ZCCHC17: variants seen among roughly 807,000 people sequenced by gnomAD.
The protein encoded by ZCCHC17 is zinc finger CCHC domain-containing protein 17.
Under a neutral mutation model 30.6 loss-of-function variants are expected in ZCCHC17, and 18 were observed. That is an observed-to-expected ratio of 0.59 (90% confidence interval 0.41 to 0.87). The LOEUF is 0.87. Among genes scored for constraint, ZCCHC17 ranks in the 40% least tolerant of loss-of-function variants. The probability of loss-of-function intolerance (pLI) is 0.00; values close to 1 mark genes in which losing one functional copy is unlikely to be tolerated. For missense variants in ZCCHC17, 263 were observed against 284.2 expected (o/e 0.93, Z 0.54); for synonymous variants, 88 against 92.4 (o/e 0.95, Z 0.27).
chr1:31,333,120 T>C (rs902372037), intron 3 of ZCCHC17: 2 of 152,210 alleles, frequency 1.3e-5, no homozygotes, highest in African/African-American at 4.8e-5. Context: ...TCATTTTAAG[T>C]TGTTTCCAGT....
intron 1 of ZCCHC17, among the ~76,000 whole-genome samples, chr1:31,306,124 T>C (rs913490517): frequency 4.6e-5 from 7 of 152,238 alleles, no homozygotes; most frequent in Admixed American, 3.9e-4. Flanking sequence ...GAATGTTTTT[T>C]TCTTCCTCAC....
At chr1:31,338,664 T>C (rs1396258286) in intron 4 of ZCCHC17, among the ~76,000 whole-genome samples, 1 of 152,246 alleles carries the variant, frequency 6.6e-6, no homozygotes, top group African/African-American at 2.4e-5. Flanking sequence ...TGAACTTACC[T>C]GGAAGAAAAA....
chr1:31,338,245 C>G (rs1051413409), intron 4 of ZCCHC17, among the ~76,000 whole-genome samples: 1 of 151,602 alleles, frequency 6.6e-6, no homozygotes, highest in African/African-American at 2.4e-5. Context: ...TTTGCCTCCC[C>G]AAGTGCTGGA....
At chr1:31,345,187 C>G (rs77459420) in intron 5 of ZCCHC17, among the ~76,000 whole-genome samples, 8,743 of 150,170 alleles carry the variant, frequency 0.058, 492 homozygotes, top group South Asian at 0.21. Context: ...GACAGAGTCT[C>G]GCTCTGTCGC....
At chr1:31,319,190 C>G (rs1569798340) in intron 3 of ZCCHC17, 24 bp downstream of exon 3, 1 of 1,594,882 alleles carries the variant, frequency 6.3e-7, no homozygotes, top group East Asian at 2.2e-5. Flanking sequence ...ACTTGAAATT[C>G]AGCCCTCTGA....
intron 1 of ZCCHC17, among the ~76,000 whole-genome samples, chr1:31,298,273 C>T (rs894993047): frequency 2.0e-5 from 3 of 152,044 alleles, no homozygotes; most frequent in African/African-American, 7.3e-5. Flanking sequence ...AAGGTAACTC[C>T]TAGGTTTCTG....
At chr1:31,329,020 C>A (rs1334487435) in intron 3 of ZCCHC17, among the ~76,000 whole-genome samples, 1 of 152,128 alleles carries the variant, frequency 6.6e-6, no homozygotes, top group Non-Finnish European at 1.5e-5. Flanking sequence ...GAAAAAGTTC[C>A]AGCCCTCTGA....
chr1:31,346,624 A>G lies in ZCCHC17; in HGVS notation c.318-16A>G. The G allele has an allele frequency of 6.3e-7, 1 of 1,597,156 alleles. No homozygotes were observed. Among genetic ancestry groups the G allele is most frequent in the South Asian group, 1.1e-5 (1 of 89,624 alleles). On this transcript the variant is annotated splice_polypyrimidine_tract_variant and intron_variant, in intron 5 of 7. Transcript: ENST00000344147. ...TCTCTTAAGGGGGCCGGCAGTCGGTATCTTTTTCATTATAGGCAAGAAGAG... is the reference window on the plus strand; with the variant it reads ...TCTCTTAAGGGGGCCGGCAGTCGGTGTCTTTTTCATTATAGGCAAGAAGAG...
chr1:31,328,943 G>A (rs145088477), intron 3 of ZCCHC17, among the ~76,000 whole-genome samples: 7 of 152,094 alleles, frequency 4.6e-5, no homozygotes, highest in Non-Finnish European at 8.8e-5. Context: ...GAGACAGGGG[G>A]ATCAGTTGAG....
At chr1:31,353,668 G>A (rs1639546403) in intron 7 of ZCCHC17, among the ~76,000 whole-genome samples, 1 of 152,052 alleles carries the variant, frequency 6.6e-6, no homozygotes, top group Non-Finnish European at 1.5e-5. Flanking sequence ...TTTTGTATAT[G>A]GTGTACAGAA....
chr1:31,347,693 T>C (rs1639324132), intron 6 of ZCCHC17, among the ~76,000 whole-genome samples: 1 of 152,126 alleles, frequency 6.6e-6, no homozygotes, highest in Non-Finnish European at 1.5e-5. Context: ...GCTCACTGCA[T>C]CTTTGACCTC....
At chr1:31,339,870 C>T (rs1181552716) in intron 5 of ZCCHC17, among the ~76,000 whole-genome samples, 1 of 151,742 alleles carries the variant, frequency 6.6e-6, no homozygotes, top group Non-Finnish European at 1.5e-5. Flanking sequence ...GCTCTTCTGA[C>T]CTTTCATTTA....
chr1:31,310,013 C>T, intron 1 of ZCCHC17, 31 bp from the exon 2 acceptor site: 1 of 1,307,774 alleles, frequency 7.6e-7, no homozygotes. Flanking sequence ...GCAGATATCT[C>T]TCTAATTGGT....
chr1:31,320,008 A>ACCCCCTTTGT (rs1646823861), intron 3 of ZCCHC17, among the ~76,000 whole-genome samples: 1 of 152,242 alleles, frequency 6.6e-6, no homozygotes. Context: ...TACATATGAT[A>ACCCCCTTTGT]AAGAGCTAAT....
rs1557427471 is a variant in ZCCHC17 at position 31,310,073 on chromosome 1, A to G, written c.-26A>G. 3.1e-6 allele frequency: 5 copies of G among 1,612,246 alleles called. No homozygotes were observed. The highest frequency in any genetic ancestry group is 4.2e-6 in the Non-Finnish European group (5 of 1,179,120). On this transcript the variant is annotated 5_prime_UTR_variant, in exon 2 of 8. Transcript: ENST00000344147. ...CTTGTATTAGCTTTAATAGAAGAGA[A>G]ATGGAGGAGCCATAGAATATTAAGG...
At chr1:31,297,449 G>C (rs1043580332) in intron 1 of ZCCHC17, among the ~76,000 whole-genome samples, 11 of 152,180 alleles carry the variant, frequency 7.2e-5, no homozygotes, top group African/African-American at 2.7e-4. Flanking sequence ...CCTACTGTAT[G>C]CCCCCCTGAG....
At chr1:31,299,781 A>G (rs1310251927) in intron 1 of ZCCHC17, among the ~76,000 whole-genome samples, 1 of 152,188 alleles carries the variant, frequency 6.6e-6, no homozygotes, top group Admixed American at 6.5e-5. Context: ...TGACCAGGTT[A>G]GAGGTACTGC....
In ZCCHC17 at chr1:31,334,803, C is replaced by T. The variant is rs75569957; in HGVS notation, c.125-2372C>T. Among the ~76,000 whole-genome samples, 1,116 of 152,252 alleles carry T rather than the reference C, an allele frequency of 7.3e-3. 13 individuals carry two copies. The highest frequency in any genetic ancestry group is 0.025 in the African/African-American group (1,038 of 41,550). ...AAAATCTTTTGAATGGACCATCAAG[C>T]GACTATACCATAATTGACCTAATTG... is the stretch of plus-strand genomic sequence containing the variant. On this transcript the variant is annotated intron_variant, in intron 3 of 7. Coordinates refer to ENST00000344147, the MANE Select transcript of ZCCHC17 (RefSeq NM_016505.4).
intron 3 of ZCCHC17, among the ~76,000 whole-genome samples, chr1:31,324,353 A>G (rs1176449810): frequency 6.6e-6 from 1 of 152,292 alleles, no homozygotes; most frequent in East Asian, 1.9e-4. Context: ...GATGCCAGCC[A>G]TAGTGGGGGC....
Sources: gnomAD v4.1 joint callset for allele counts (sites outside exome capture counted in the v4.1 genomes callset) on GRCh38, gnomAD v4.1.1 for gene constraint, MANE v1.5 for transcripts, NCBI Gene and HGNC (gene_info 2026-07-23, HGNC 2026-07-21) for gene names.